BACE2: variants seen among roughly 807,000 people sequenced by gnomAD.
The protein encoded by BACE2 is 56 kDa aspartic-like protease.
In BACE2, 17 loss-of-function variants were observed where a neutral mutation model predicts 46.2. The ratio of observed to expected loss-of-function variants is 0.37; its 90% confidence interval spans 0.25 to 0.55. The LOEUF is 0.55. Among genes scored for constraint, BACE2 ranks in the 20% least tolerant of loss-of-function variants. The probability of loss-of-function intolerance (pLI) is 0.82; values close to 1 mark genes in which losing one functional copy is unlikely to be tolerated. For missense variants in BACE2, 595 were observed against 698.1 expected (o/e 0.85, Z 1.66); for synonymous variants, 277 against 295.9 (o/e 0.94, Z 0.66).
chr21:41,227,359 G>A (rs969500764), intron 2 of BACE2, among the ~76,000 whole-genome samples: 4 of 152,196 alleles, frequency 2.6e-5, no homozygotes, highest in South Asian at 2.1e-4. Context: ...TCCCTTTCTC[G>A]CTTTCCTTAT....
chr21:41,253,780 G>T (rs909248723), intron 7 of BACE2, among the ~76,000 whole-genome samples: 1 of 152,186 alleles, frequency 6.6e-6, no homozygotes, highest in African/African-American at 2.4e-5. Flanking sequence ...CTCTGCATAA[G>T]AATTCATTAT....
chr21:41,271,642 A>G (rs985661851), intron 8 of BACE2, among the ~76,000 whole-genome samples: 6 of 151,976 alleles, frequency 3.9e-5, no homozygotes, highest in Admixed American at 1.3e-4. Flanking sequence ...TTTATTAGCT[A>G]TAACTCTATA....
chr21:41,262,292 A>G (rs1360674848), intron 8 of BACE2, among the ~76,000 whole-genome samples: 2 of 152,162 alleles, frequency 1.3e-5, no homozygotes, highest in Non-Finnish European at 2.9e-5. Flanking sequence ...CTTGAGTTAA[A>G]TGTTTTTTTG....
At chr21:41,269,207 G>C (rs959227155) in intron 8 of BACE2, among the ~76,000 whole-genome samples, 11 of 152,098 alleles carry the variant, frequency 7.2e-5, no homozygotes, top group Non-Finnish European at 7.4e-5. Flanking sequence ...ACCTGCCTCG[G>C]CCTCCCAAAG....
In BACE2 at chr21:41,246,027, T is replaced by A; in HGVS notation, c.948T>A (p.Phe316Leu). 6.2e-7 allele frequency: 1 copy of A among 1,610,658 alleles called. No homozygotes were observed. Among genetic ancestry groups the A allele is most frequent in the Non-Finnish European group, 8.5e-7 (1 of 1,178,568 alleles). ...TGCTGCGCCTGCCCCAGAAGGTGTT[T>A]GATGCGGTGGTGGAAGCTGTGGCCC... ...TTLLRLPQKV[F>L]DAVVEAVARA... The change falls in exon 6 of 9, where the codon TTT becomes TTA. Residue 316 changes from phenylalanine to leucine, a missense_variant. Transcript: ENST00000330333.
chr21:41,207,954 C>T (rs1270120741), intron 1 of BACE2, among the ~76,000 whole-genome samples: 3 of 152,242 alleles, frequency 2.0e-5, no homozygotes, highest in African/African-American at 4.8e-5. Flanking sequence ...TCTGTGGCCC[C>T]GCTTACAATG....
intron 8 of BACE2, among the ~76,000 whole-genome samples, chr21:41,271,411 G>T (rs1329033630): frequency 6.6e-6 from 1 of 152,164 alleles, no homozygotes; most frequent in East Asian, 1.9e-4. Flanking sequence ...AACCTAAAAA[G>T]CTTAACATAT....
rs996085393 is a variant in BACE2, at chr21:41,224,827, G to A, written c.313-1439G>A. On this transcript the variant is annotated intron_variant, in intron 1 of 8. Transcript: ENST00000330333. ...AAAAGACCAACACCACCAAATTTGGGGGAGGATACAGAGCACATAAACCAA... is the reference window on the plus strand; with the variant it reads ...AAAAGACCAACACCACCAAATTTGGAGGAGGATACAGAGCACATAAACCAA... 2.0e-5 allele frequency among the ~76,000 whole-genome samples: 3 copies of A among 152,172 alleles called. No homozygotes were observed. In the South Asian group the frequency reaches 6.2e-4, roughly 32 times the overall value.
At chr21:41,176,865 C>G (rs1984867956) in intron 1 of BACE2, 1 of 152,196 alleles carries the variant, frequency 6.6e-6, no homozygotes, top group South Asian at 2.1e-4. Flanking sequence ...ATACAAAATA[C>G]AAGTGTCATT....
intron 1 of BACE2, among the ~76,000 whole-genome samples, chr21:41,187,075 C>T (rs1985405006): frequency 6.6e-6 from 1 of 152,208 alleles, no homozygotes; most frequent in Admixed American, 6.5e-5. Context: ...AGTCCCGCCT[C>T]CTGCCTCACC....
intron 7 of BACE2, among the ~76,000 whole-genome samples, chr21:41,256,804 C>T (rs1987798501): frequency 6.6e-6 from 1 of 152,202 alleles, no homozygotes; most frequent in African/African-American, 2.4e-5. Context: ...GAGGCTGTCT[C>T]ATGGGCCATG....
chr21:41,168,232 G>A lies in BACE2; in HGVS notation c.-32G>A. On this transcript the variant is annotated 5_prime_UTR_variant, in exon 1 of 9. Transcript: ENST00000330333. ...TGCCGGACGGGACGGGACCGGCTAGGCTGGGCGCGCCCCCCGGGCCCCGCC... is the reference window on the plus strand; with the variant it reads ...TGCCGGACGGGACGGGACCGGCTAGACTGGGCGCGCCCCCCGGGCCCCGCC... The A allele has an allele frequency of 1.1e-5, 12 of 1,123,218 alleles. No homozygotes were observed. Among genetic ancestry groups the A allele is most frequent in the Non-Finnish European group, 1.2e-5 (11 of 917,150 alleles). 69.6% of individuals were successfully genotyped at this position (1,123,218 alleles called of 1,614,324 possible).
chr21:41,246,253 A>C, intron 6 of BACE2, 190 bp downstream of exon 6: 1 of 330,368 alleles, frequency 3.0e-6, no homozygotes, highest in Admixed American at 4.6e-5. Flanking sequence ...ATGTATTTAA[A>C]ATCTTTATAT....
At chr21:41,181,515 C>T (rs1985122576) in intron 1 of BACE2, 1 of 167,066 alleles carries the variant, frequency 6.0e-6, no homozygotes, top group Admixed American at 6.5e-5. Flanking sequence ...CATTTACCTC[C>T]CCGTGGTCTT....
intron 6 of BACE2, among the ~76,000 whole-genome samples, chr21:41,248,505 C>G (rs967820803): frequency 2.0e-5 from 3 of 152,240 alleles, no homozygotes; most frequent in Non-Finnish European, 2.9e-5. Context: ...AACTCTTCCC[C>G]GAATCCAGCA....
chr21:41,272,332 G>C (rs1434427611), intron 8 of BACE2, among the ~76,000 whole-genome samples: 1 of 151,776 alleles, frequency 6.6e-6, no homozygotes, highest in Admixed American at 6.6e-5. Flanking sequence ...GGCTTCTTGG[G>C]TCTGTGGGTT....
intron 6 of BACE2, among the ~76,000 whole-genome samples, chr21:41,248,673 G>A (rs1173450581): frequency 6.6e-6 from 1 of 152,214 alleles, no homozygotes; most frequent in Non-Finnish European, 1.5e-5. Flanking sequence ...GGAGAACATG[G>A]GATGGATGAA....
intron 6 of BACE2, 81 bp downstream of exon 6, chr21:41,246,144 C>T (rs1002666708): frequency 1.0e-4 from 106 of 1,017,792 alleles, no homozygotes; most frequent in Non-Finnish European, 1.5e-4. Context: ...GTGTTCTGAG[C>T]ATCTCTGAAC....
intron 1 of BACE2, among the ~76,000 whole-genome samples, chr21:41,218,017 A>G (rs988083124): frequency 3.3e-5 from 5 of 152,238 alleles, no homozygotes; most frequent in African/African-American, 7.2e-5. Context: ...AAATAAATGT[A>G]TATTATCTCA....
Sources: allele counts gnomAD v4.1 joint callset (sites outside exome capture counted in the v4.1 genomes callset), GRCh38; gene constraint gnomAD v4.1.1; transcripts MANE v1.5; gene names NCBI Gene and HGNC (gene_info 2026-07-23, HGNC 2026-07-21).